COA1: variants seen among roughly 807,000 people sequenced by gnomAD.
COA1 encodes the protein cytochrome c oxidase assembly factor 1 homolog.
COA1 carries 13 observed loss-of-function variants against 16.0 expected under a neutral mutation model. That is an observed-to-expected ratio of 0.81 (90% CI 0.53 to 1.29). The LOEUF (loss-of-function observed/expected upper bound fraction) is 1.29, where lower values mean the gene tolerates loss of function less well. COA1 is among the 50% of genes most tolerant of loss of function. The pLI is 0.00. For synonymous variants in COA1, 65 were observed against 65.7 expected (o/e 0.99, Z 0.05); for missense variants, 179 against 177.0 (o/e 1.01, Z -0.06).
At chr7:43,641,357 ACT>A in intron 4 of COA1, 1 of 151,778 alleles carries the variant, frequency 6.6e-6, no homozygotes, top group South Asian at 2.1e-4. Flanking sequence ...CAAATATTAA[ACT>A]CTACTTAATG....
At chr7:43,683,495 A>G (rs1056896322) in intron 1 of COA1, among the ~76,000 whole-genome samples, 2 of 152,090 alleles carry the variant, frequency 1.3e-5, no homozygotes, top group Non-Finnish European at 2.9e-5. Context: ...TTAGCCAGGC[A>G]TGGTGGCAGG....
rs112573771 is a variant in COA1, at chr7:43,623,465, C to T, written c.*134-13970G>A. The T allele has an allele frequency of 4.9e-3, 4,156 of 851,354 alleles. 131 individuals carry two copies. In the African/African-American group the frequency reaches 0.064, roughly 13 times the overall value. 52.7% of individuals were successfully genotyped at this position (851,354 alleles called of 1,614,324 possible). A position where few individuals can be genotyped will look rare whatever the true frequency, so the allele number is the denominator to read the frequency against. On this transcript the variant is annotated intron_variant and NMD_transcript_variant, in intron 6 of 6. Transcript: ENST00000415076. ...TGGTAACCTTTCATTTTAGCCCAAA[C>T]GTTGGATAGTGCCTTATAGTTTCTA...
intron 1 of COA1, among the ~76,000 whole-genome samples, chr7:43,688,832 T>C (rs1421467887): frequency 6.6e-6 from 1 of 152,222 alleles, no homozygotes; most frequent in Non-Finnish European, 1.5e-5. Flanking sequence ...CTTTCAATAA[T>C]ACTTTCTAGA....
chr7:43,725,078 A>C (rs564423797), intron 1 of COA1, among the ~76,000 whole-genome samples: 238 of 152,278 alleles, frequency 1.6e-3, no homozygotes, highest in Middle Eastern at 3.4e-3. Context: ...GTCTGTACTA[A>C]AAATACAAAA....
At chr7:43,646,652 C>T (rs2089389996) in intron 3 of COA1, 1 of 456,356 alleles carries the variant, frequency 2.2e-6, no homozygotes, top group African/African-American at 2.0e-5. Flanking sequence ...CTCTCATGTC[C>T]TGCCCCTGTC....
intron 1 of COA1, among the ~76,000 whole-genome samples, chr7:43,714,438 G>A (rs1341674945): frequency 6.6e-6 from 1 of 151,784 alleles, no homozygotes; most frequent in Non-Finnish European, 1.5e-5. Flanking sequence ...CGCTAGCCTG[G>A]CCAACATGGT....
chr7:43,712,182 G>A (rs1563456359), intron 1 of COA1, among the ~76,000 whole-genome samples: 1 of 151,634 alleles, frequency 6.6e-6, no homozygotes, highest in African/African-American at 2.4e-5. Context: ...GCACAATCTC[G>A]GCTCACTGCA....
chr7:43,649,670 C>T (rs982085339), intron 1 of COA1: 1 of 152,248 alleles, frequency 6.6e-6, no homozygotes, highest in Non-Finnish European at 1.5e-5. Context: ...CTATCACATG[C>T]AACTGCACGG....
chr7:43,614,587 A>T (rs1303322210), intron 6 of COA1, among the ~76,000 whole-genome samples: 1 of 152,234 alleles, frequency 6.6e-6, no homozygotes, highest in Non-Finnish European at 1.5e-5. Flanking sequence ...GTCTATTTTT[A>T]AAAATAGCCC....
intron 6 of COA1, among the ~76,000 whole-genome samples, chr7:43,618,927 A>AG (rs1375083780): frequency 6.6e-6 from 1 of 152,210 alleles, no homozygotes; most frequent in Admixed American, 6.5e-5. Context: ...TGGTGGGAGA[A>AG]GAGGGCCATG....
intron 4 of COA1, among the ~76,000 whole-genome samples, chr7:43,643,543 T>G (rs1440672548): frequency 1.3e-5 from 2 of 152,204 alleles, no homozygotes; most frequent in Non-Finnish European, 2.9e-5. Flanking sequence ...ATGTCCTCTC[T>G]CACGCAGTGT....
At chr7:43,634,710 T>C (rs2085575859), downstream of COA1, among the ~76,000 whole-genome samples, 1 of 152,218 alleles carries the variant, frequency 6.6e-6, no homozygotes, top group Non-Finnish European at 1.5e-5. Context: ...ATTGGGGCCA[T>C]GGGTTTTTCC....
At chr7:43,709,804 T>C (rs938263073) in intron 1 of COA1, among the ~76,000 whole-genome samples, 1 of 152,202 alleles carries the variant, frequency 6.6e-6, no homozygotes, top group Non-Finnish European at 1.5e-5. Context: ...AATGATGTGA[T>C]AGCCCGTAAC....
intron 1 of COA1, among the ~76,000 whole-genome samples, chr7:43,705,347 C>A (rs568823632): frequency 6.6e-6 from 1 of 152,220 alleles, no homozygotes; most frequent in Non-Finnish European, 1.5e-5. Context: ...CAGGTGGGCA[C>A]GTGCCAGCAG....
downstream of COA1, among the ~76,000 whole-genome samples, chr7:43,635,087 C>A (rs947571645): frequency 6.6e-6 from 1 of 152,106 alleles, no homozygotes; most frequent in African/African-American, 2.4e-5. Context: ...AATTTTCTAA[C>A]AATGTGGTCC....
chr7:43,621,594 A>C (rs2083895738), intron 6 of COA1, among the ~76,000 whole-genome samples: 1 of 152,106 alleles, frequency 6.6e-6, no homozygotes, highest in Non-Finnish European at 1.5e-5. Context: ...CAGCCTCCCG[A>C]GTAGCTGGGA....
At chr7:43,616,854 G>A (rs1386304112) in intron 6 of COA1, among the ~76,000 whole-genome samples, 2 of 152,136 alleles carry the variant, frequency 1.3e-5, no homozygotes, top group Non-Finnish European at 2.9e-5. Context: ...CCGAGATCGC[G>A]CCACTGCACT....
At chr7:43,618,385 G>A (rs1362891786) in intron 6 of COA1, among the ~76,000 whole-genome samples, 3 of 152,208 alleles carry the variant, frequency 2.0e-5, no homozygotes, top group African/African-American at 7.2e-5. Flanking sequence ...GGCATGAGAT[G>A]TGGGAGTAGC....
chr7:43,609,290 G>A (rs1039228710), exon 7 of COA1: 2 of 152,292 alleles, frequency 1.3e-5, no homozygotes, highest in African/African-American at 4.8e-5. Context: ...TCTGTCCAAA[G>A]TTCTGAGATT....
Sources: gnomAD v4.1 joint callset for allele counts (sites outside exome capture counted in the v4.1 genomes callset) on GRCh38, gnomAD v4.1.1 for gene constraint, MANE v1.5 for transcripts, NCBI Gene and HGNC (gene_info 2026-07-23, HGNC 2026-07-21) for gene names.